Variants in HCLS1 observed in about 807,000 individuals in gnomAD.
The protein encoded by HCLS1 is hematopoietic cell-specific Lyn substrate 1, also known as hematopoietic lineage cell-specific protein.
HCLS1 carries 44 observed loss-of-function variants against 68.6 expected under a neutral mutation model. The ratio of observed to expected loss-of-function variants is 0.64; its 90% CI spans 0.50 to 0.82. The LOEUF is 0.82. Among genes scored for constraint, HCLS1 ranks in the 40% least tolerant of loss-of-function variants. The pLI is 0.00. For synonymous variants in HCLS1, 217 were observed against 225.8 expected, an observed-to-expected ratio of 0.96 and a Z score of 0.35; for missense variants, 602 against 612.1, an observed-to-expected ratio of 0.98 and a Z score of 0.17.
chr3:121,636,579 G>A, intron 7 of HCLS1, 90 bp from the exon 8 acceptor site: 1 of 957,798 alleles, frequency 1.0e-6, no homozygotes. Context: ...CAGGAATGTG[G>A]AAAACAAATG....
At chr3:121,649,737 C>G (rs137976245) in intron 3 of HCLS1, among the ~76,000 whole-genome samples, 1 of 152,292 alleles carries the variant, frequency 6.6e-6, no homozygotes, top group East Asian at 1.9e-4. Context: ...CATATTAACT[C>G]TCAGATATCC....
At chr3:121,644,116 G>T (rs571867959) in intron 5 of HCLS1, 2 of 153,936 alleles carry the variant, frequency 1.3e-5, no homozygotes, top group South Asian at 4.0e-4. Flanking sequence ...AGCTAACTGT[G>T]AAGGAGCTGT....
chr3:121,651,801 G>A (rs762214453), intron 3 of HCLS1, among the ~76,000 whole-genome samples: 37 of 152,208 alleles, frequency 2.4e-4, no homozygotes, highest in Admixed American at 1.4e-3. Flanking sequence ...AGGAATGAAA[G>A]AGGGTAAATT....
chr3:121,638,821 C>T (rs1298647467), intron 6 of HCLS1, among the ~76,000 whole-genome samples: 1 of 152,154 alleles, frequency 6.6e-6, no homozygotes, highest in Non-Finnish European at 1.5e-5. Flanking sequence ...CAATACCTTA[C>T]ATCAGGAGTA....
rs1450350075 is a variant in HCLS1, at chr3:121,646,325, ATT to A, written c.288+992_288+993del. 5.7e-5 allele frequency among the ~76,000 whole-genome samples: 6 copies of A among 104,532 alleles called. No individual in the cohort carries two copies. The Admixed American group carries it at 6.9e-4, about 12-fold the overall frequency. The allele number at this position is 104,532 out of a possible 152,430, so 68.6% of individuals were successfully genotyped here. A position where few individuals can be genotyped will look rare whatever the true frequency, so the allele number is the denominator to read the frequency against. ...TATATACTTATATAATATAATATAT[ATT>A]ATATATTAATTATAGTATATAATAT... On this transcript the variant is annotated intron_variant, in intron 4 of 13. Transcript: ENST00000314583.
rs748579183 is a variant in HCLS1 at position 121,634,214 on chromosome 3, G to A, written c.896C>T (p.Ser299Phe). 6.3e-5 allele frequency: 102 copies of A among 1,614,072 alleles called. No individual in the cohort carries two copies. Among genetic ancestry groups the A allele is most frequent in the Non-Finnish European group, 3.5e-5 (41 of 1,180,052 alleles). Residue 299 changes from serine to phenylalanine, a missense_variant, in exon 10 of 14, where the codon TCC becomes TTC. Ser to Phe is a radical substitution (Grantham distance 155, BLOSUM62 -2). Coordinates refer to ENST00000314583, the MANE Select transcript of HCLS1 (RefSeq NM_005335.6). ...AVPAPLPKKI[S>F]SEAWPPVGTP... ...AGAGGGCCAGGCGCTCACCTCTGAG[G>A]AGATTTTCTTGGGCAGTGGGGCCGG... is the stretch of plus-strand genomic sequence containing the variant.
chr3:121,659,260 G>A (rs1433935729), intron 1 of HCLS1, among the ~76,000 whole-genome samples: 5 of 152,176 alleles, frequency 3.3e-5, no homozygotes, highest in Non-Finnish European at 7.3e-5. Flanking sequence ...GGACTGTGCA[G>A]AAGGAAGAGC....
At chr3:121,655,003 C>T (rs1474742575) in intron 3 of HCLS1, among the ~76,000 whole-genome samples, 1 of 152,206 alleles carries the variant, frequency 6.6e-6, no homozygotes, top group Admixed American at 6.5e-5. Flanking sequence ...TTGTCTAAAG[C>T]CACCTGGCCT....
At chr3:121,647,728 T>C (rs1341139460) in intron 3 of HCLS1, among the ~76,000 whole-genome samples, 1 of 152,194 alleles carries the variant, frequency 6.6e-6, no homozygotes, top group African/African-American at 2.4e-5. Flanking sequence ...TGTTCTTAAA[T>C]ATTAGAGGAC....
chr3:121,635,235 TTTTCTCTC>T (rs2049138603), intron 9 of HCLS1, among the ~76,000 whole-genome samples: 1 of 81,480 alleles, frequency 1.2e-5, no homozygotes, highest in South Asian at 6.7e-4. Flanking sequence ...CTTCTCTCCC[TTTTCTCTC>T]TCTCTCTCTC....
intron 7 of HCLS1, 83 bp downstream of exon 7, chr3:121,637,062 TG>T: frequency 1.1e-6 from 1 of 951,840 alleles, no homozygotes; most frequent in Non-Finnish European, 1.7e-6. Context: ...CTCTGTATTC[TG>T]GGGCACCCGG....
intron 12 of HCLS1, 44 bp downstream of exon 12, chr3:121,632,288 C>A (rs1367085201): frequency 1.2e-6 from 2 of 1,608,420 alleles, no homozygotes; most frequent in East Asian, 4.5e-5. Context: ...CTTACCCTCC[C>A]CTGGACATGA....
chr3:121,647,580 G>A, intron 3 of HCLS1, 132 bp from the exon 4 acceptor site: 1 of 809,982 alleles, frequency 1.2e-6, no homozygotes, highest in South Asian at 1.7e-5. Flanking sequence ...AAATATACTA[G>A]TGATGGGTCT....
rs746051653 is a variant in HCLS1, at chr3:121,647,299, A to G, written c.288+20T>C. ...CCCGGCTTGTATTTTTTTAAAGCAA[A>G]TCTTTCCCTTTCAACTTACCTTGTC... On this transcript the variant is annotated intron_variant, in intron 4 of 13. Coordinates refer to ENST00000314583, the MANE Select transcript of HCLS1 (RefSeq NM_005335.6). 1 of 1,612,856 alleles carries G rather than the reference A, an allele frequency of 6.2e-7. No homozygotes were observed. The highest frequency in any genetic ancestry group is 1.3e-5 in the African/African-American group (1 of 74,786).
chr3:121,636,875 C>T (rs529151908), intron 7 of HCLS1, among the ~76,000 whole-genome samples: 40 of 152,234 alleles, frequency 2.6e-4, no homozygotes, highest in African/African-American at 8.9e-4. Context: ...CTGACCATCA[C>T]TCAGCTTGTC....
At position 121,634,320 on chromosome 3, in the gene HCLS1, T is replaced by A; in HGVS notation, c.790A>T (p.Arg264Trp). The A allele has an allele frequency of 6.2e-7, 1 of 1,614,170 alleles. No individual in the cohort carries two copies. The highest frequency in any genetic ancestry group is 8.5e-7 in the Non-Finnish European group (1 of 1,180,024). ...EEEKAQQVAR[R>W]QQERKAVTKR... The stretch of plus-strand genomic sequence containing the variant: ...GTCACAGCCTTTCGCTCCTGTTGCC[T>A]CCTGGCCACCTGCTGTGCCTTCTCC... The change falls in exon 10 of 14, where the codon AGG becomes TGG. Residue 264 changes from arginine to tryptophan, a missense_variant. Coordinates refer to ENST00000314583, the MANE Select transcript of HCLS1 (RefSeq NM_005335.6).
intron 7 of HCLS1, among the ~76,000 whole-genome samples, 183 bp from the exon 8 acceptor site, chr3:121,636,672 G>T (rs751719344): frequency 2.6e-5 from 4 of 152,140 alleles, no homozygotes; most frequent in African/African-American, 9.7e-5. Context: ...ATCTGGGAGC[G>T]AATGGAGAAG....
At chr3:121,634,639 G>C (rs562231596) in intron 9 of HCLS1, among the ~76,000 whole-genome samples, 3 of 151,956 alleles carry the variant, frequency 2.0e-5, no homozygotes, top group African/African-American at 7.3e-5. Flanking sequence ...CCTAAGACTC[G>C]TGTCTTTTTT....
intron 12 of HCLS1, 46 bp downstream of exon 12, chr3:121,632,286 C>A (rs1223311791): frequency 2.5e-6 from 4 of 1,606,556 alleles, no homozygotes; most frequent in African/African-American, 2.7e-5. Context: ...CTCTTACCCT[C>A]CCCTGGACAT....
Sources: gnomAD v4.1 joint callset for allele counts (sites outside exome capture counted in the v4.1 genomes callset) on GRCh38, gnomAD v4.1.1 for gene constraint, MANE v1.5 for transcripts, NCBI Gene and HGNC (gene_info 2026-07-23, HGNC 2026-07-21) for gene names.